ANKRD10: variants seen among roughly 807,000 people sequenced by gnomAD.
ANKRD10 encodes the protein ankyrin repeat domain 10, also known as ankyrin repeat domain-containing protein 10.
A neutral mutation model predicts 27.0 loss-of-function variants in ANKRD10; 14 were observed. That is an observed-to-expected ratio of 0.52 (90% CI 0.34 to 0.81). The LOEUF (loss-of-function observed/expected upper bound fraction) is 0.81. Ranked by LOEUF, ANKRD10 falls within the 40% of genes least tolerant of loss-of-function variation. The pLI is 0.01. For synonymous variants in ANKRD10, 250 were observed against 224.5 expected (o/e 1.11, Z -1.01); for missense variants, 493 against 544.0 (o/e 0.91, Z 0.93).
At chr13:110,906,265 C>A in intron 2 of ANKRD10, 141 bp from the exon 3 acceptor site, 1 of 663,068 alleles carries the variant, frequency 1.5e-6, no homozygotes, top group Non-Finnish European at 2.5e-6. Flanking sequence ...AAGCAGAACA[C>A]AAAGAAATCT....
At chr13:110,882,479 C>T (rs1364394068) in intron 5 of ANKRD10, among the ~76,000 whole-genome samples, 1 of 152,106 alleles carries the variant, frequency 6.6e-6, no homozygotes, top group Admixed American at 6.5e-5. Flanking sequence ...ATCTGGTAGA[C>T]GGGATGGGCT....
intron 4 of ANKRD10, 112 bp downstream of exon 4, chr13:110,892,916 A>G (rs2138840052): frequency 2.0e-6 from 3 of 1,486,254 alleles, no homozygotes; most frequent in Non-Finnish European, 2.7e-6. Flanking sequence ...CACCAGGCGC[A>G]TTACCACCTG....
chr13:110,911,500 C>T (rs183625247), intron 1 of ANKRD10, among the ~76,000 whole-genome samples: 133 of 151,018 alleles, frequency 8.8e-4, no homozygotes, highest in African/African-American at 3.2e-3. Flanking sequence ...GGCGCAGTGC[C>T]TCATGCCTGT....
intron 3 of ANKRD10, among the ~76,000 whole-genome samples, chr13:110,900,284 T>C (rs1275688508): frequency 6.6e-6 from 1 of 152,228 alleles, no homozygotes; most frequent in Non-Finnish European, 1.5e-5. Flanking sequence ...TGAAGTATAA[T>C]TTTTAGAATC....
chr13:110,906,208 A>C, intron 2 of ANKRD10, 84 bp from the exon 3 acceptor site: 1 of 1,021,184 alleles, frequency 9.8e-7, no homozygotes, highest in Non-Finnish European at 1.4e-6. Context: ...CACAGATCAG[A>C]GACCTTCTCA....
At chr13:110,890,339 CTCAG>C (rs1165086529) in intron 4 of ANKRD10, among the ~76,000 whole-genome samples, 2 of 152,132 alleles carry the variant, frequency 1.3e-5, no homozygotes, top group African/African-American at 4.8e-5. Flanking sequence ...CATCAGCACT[CTCAG>C]TATGTAATGG....
chr13:110,914,189 C>G (rs1411187341), intron 1 of ANKRD10, among the ~76,000 whole-genome samples: 1 of 152,160 alleles, frequency 6.6e-6, no homozygotes, highest in Admixed American at 6.5e-5. Flanking sequence ...TGAGCTCGTC[C>G]GCAGCGCGGC....
Position 110,914,825 on chromosome 13 carries a change from G to A in ANKRD10, c.110C>T (p.Thr37Met). 1.3e-6 allele frequency: 2 copies of A among 1,587,000 alleles called. No individual in the cohort carries two copies. The highest frequency in any genetic ancestry group is 1.7e-6 in the Non-Finnish European group (2 of 1,167,616). ...TGTCTGCTGCAGCAGCGAGCAGAGC[G>A]TGGCCAGGTCCCCGTCGCGGCAGGC... The part of the protein sequence containing the change: ...HRACRDGDLA[T>M]LCSLLQQTPH... Residue 37 changes from threonine to methionine, a missense_variant, in exon 1 of 6, where the codon ACG (threonine) becomes ATG (methionine). Physicochemically the swap from Thr to Met is moderately conservative, Grantham distance 81 (BLOSUM62 -1). Transcript: ENST00000267339.
chr13:110,893,539 T>C (rs890076085), intron 3 of ANKRD10, among the ~76,000 whole-genome samples: 9 of 152,252 alleles, frequency 5.9e-5, no homozygotes, highest in African/African-American at 2.2e-4. Flanking sequence ...TTTATGTTAG[T>C]CTGAAGAATC....
chr13:110,879,632 C>T lies in ANKRD10; in HGVS notation c.*5G>A, dbSNP rs372947125. 77 of 1,602,250 alleles carry T rather than the reference C, an allele frequency of 4.8e-5. No homozygotes were observed. The highest frequency in any genetic ancestry group is 4.6e-4 in the African/African-American group (34 of 74,672). On this transcript the variant is annotated 3_prime_UTR_variant, in exon 6 of 6. Transcript: ENST00000267339. ...CCTGCGTTTCCGAGAGCCAGGTCAG[C>T]GTCTCTAGGAGCCGTGGTGCAGGTG...
chr13:110,890,398 G>A (rs538093650), intron 4 of ANKRD10, among the ~76,000 whole-genome samples: 1 of 152,152 alleles, frequency 6.6e-6, no homozygotes, highest in Non-Finnish European at 1.5e-5. Flanking sequence ...GGAAACGAGT[G>A]GTGGGAGTGC....
intron 3 of ANKRD10, chr13:110,893,964 C>A (rs570631275): frequency 1.7e-6 from 1 of 587,962 alleles, no homozygotes; most frequent in Admixed American, 3.3e-5. Context: ...CTACCACTCA[C>A]AAGAACCAAA....
intron 1 of ANKRD10, among the ~76,000 whole-genome samples, chr13:110,914,015 C>T (rs2065801583): frequency 6.6e-6 from 1 of 152,330 alleles, no homozygotes; most frequent in South Asian, 2.1e-4. Context: ...TTAATTTAAC[C>T]ACTTCTGCAG....
chr13:110,879,859 A>G lies in ANKRD10; in HGVS notation c.1041T>C (p.Ser347=), dbSNP rs747814165. ...TACTTGGACTCCCGTTCAGGTGCAG[A>G]GAACCGCACAACTCAGGGTTAGCTC... is the stretch of plus-strand genomic sequence containing the variant. ...TLRANPELCG[S]LHLNGSPSSC... The change falls in exon 6 of 6, where the codon TCT becomes TCC. Residue 347 remains serine (S), a synonymous_variant. Coordinates refer to ENST00000267339, the MANE Select transcript of ANKRD10 (RefSeq NM_017664.4). The G allele has an allele frequency of 4.3e-6, 7 of 1,614,240 alleles. 1 individual carries two copies. The Middle Eastern group carries it at 4.9e-4, about 114-fold the overall frequency.
chr13:110,914,423 C>G (rs1281069473), intron 1 of ANKRD10: 4 of 235,510 alleles, frequency 1.7e-5, no homozygotes, highest in Non-Finnish European at 3.2e-5. Context: ...GGCGCCGGGA[C>G]CCTTGGAGCC....
At chr13:110,912,572 G>A (rs960014063) in intron 1 of ANKRD10, among the ~76,000 whole-genome samples, 2 of 152,176 alleles carry the variant, frequency 1.3e-5, no homozygotes, top group Admixed American at 6.5e-5. Context: ...TTACCCTTGG[G>A]TTCAATTTAG....
intron 1 of ANKRD10, chr13:110,914,443 A>G (rs56050731): frequency 0.61 from 165,018 of 270,838 alleles, 51,751 homozygotes; most frequent in Middle Eastern, 0.67. Flanking sequence ...CCGCCTTGTT[A>G]GAAACTTGCT....
chr13:110,894,357 C>G (rs1832012358), intron 3 of ANKRD10: 1 of 242,478 alleles, frequency 4.1e-6, no homozygotes, highest in African/African-American at 3.2e-5. Context: ...GTCACTCAAA[C>G]AACCACTCCA....
Position 110,905,898 on chromosome 13 carries a change from C to T in ANKRD10, c.455+135G>A. The T allele has an allele frequency of 4.0e-6, 3 of 755,972 alleles. No homozygotes were observed. In the East Asian group the frequency reaches 8.3e-5, roughly 21 times the overall value. 46.8% of individuals were successfully genotyped at this position (755,972 alleles called of 1,614,324 possible). The stretch of plus-strand genomic sequence containing the variant: ...ACACAATTTTCCTCACTAACACCAA[C>T]TGTTCTAAAAGGCAAAATTACATTA... On this transcript the variant is annotated intron_variant, in intron 3 of 5. Transcript: ENST00000267339.
Sources: allele counts gnomAD v4.1 joint callset (sites outside exome capture counted in the v4.1 genomes callset), GRCh38; gene constraint gnomAD v4.1.1; transcripts MANE v1.5; gene names NCBI Gene and HGNC (gene_info 2026-07-23, HGNC 2026-07-21).